The following SUSD1 variants were observed in gnomAD, a reference collection of about 807,000 sequenced individuals.
SUSD1 encodes the protein sushi domain-containing protein 1.
In SUSD1, 65 loss-of-function variants were observed where a neutral mutation model predicts 86.9. The observed-to-expected ratio is 0.75, with a 90% confidence interval of 0.61 to 0.92. SUSD1 has a LOEUF of 0.92. SUSD1 is among the 40% of genes least tolerant of loss of function. The pLI is 0.00. For synonymous variants in SUSD1, 346 were observed against 350.0 expected (o/e 0.99, Z 0.13); for missense variants, 850 against 929.7 (o/e 0.91, Z 1.11).
At chr9:112,073,992 G>A (rs562803169) in intron 12 of SUSD1, among the ~76,000 whole-genome samples, 14 of 152,116 alleles carry the variant, frequency 9.2e-5, no homozygotes, top group South Asian at 4.1e-4. Flanking sequence ...CGAAGTGGGC[G>A]GATCACTTAA....
chr9:112,078,810 T>TG lies in SUSD1; in HGVS notation c.1567-87_1567-86insC, dbSNP rs1564275179. On this transcript the variant is annotated intron_variant, in intron 11 of 16. Coordinates refer to ENST00000374270, the MANE Select transcript of SUSD1 (RefSeq NM_022486.5). ...AACCTCCCCTTTTCCTTTTTCTTTCTCTTTTTTTTTTTTTTTTTTTGAGAT... is the reference window on the plus strand; with the variant it reads ...AACCTCCCCTTTTCCTTTTTCTTTCTGCTTTTTTTTTTTTTTTTTTTGAGAT... 2.7e-5 allele frequency: 24 copies of TG among 874,496 alleles called. No homozygotes were observed. The African/African-American group carries it at 5.3e-4, about 19-fold the overall frequency. 54.2% of individuals were successfully genotyped at this position (874,496 alleles called of 1,614,324 possible).
At chr9:112,149,494 A>T in intron 2 of SUSD1, 95 bp from the exon 3 acceptor site, 1 of 1,372,306 alleles carries the variant, frequency 7.3e-7, no homozygotes, top group Non-Finnish European at 1.0e-6. Context: ...TCGGGAACCA[A>T]CGTTCTGTGA....
intron 12 of SUSD1, among the ~76,000 whole-genome samples, chr9:112,075,193 A>G (rs908068560): frequency 6.6e-6 from 1 of 152,194 alleles, no homozygotes; most frequent in African/African-American, 2.4e-5. Context: ...TTGTCTCTCC[A>G]GCCCAAAATG....
chr9:112,081,189 A>C (rs1037925775), intron 10 of SUSD1, among the ~76,000 whole-genome samples: 4 of 152,250 alleles, frequency 2.6e-5, no homozygotes, highest in Non-Finnish European at 5.9e-5. Flanking sequence ...GAAGTTTCAC[A>C]GGAACACTGT....
chr9:112,081,448 G>T (rs954962003), intron 10 of SUSD1, among the ~76,000 whole-genome samples: 3 of 152,222 alleles, frequency 2.0e-5, no homozygotes, highest in African/African-American at 7.2e-5. Context: ...TGAACAGGTG[G>T]TAAGGAACAG....
intron 1 of SUSD1, among the ~76,000 whole-genome samples, chr9:112,170,964 C>G (rs544900833): frequency 6.6e-6 from 1 of 152,120 alleles, no homozygotes; most frequent in African/African-American, 2.4e-5. Flanking sequence ...CCACCCACCT[C>G]GGCTTCCCAA....
intron 5 of SUSD1, among the ~76,000 whole-genome samples, chr9:112,129,273 C>A (rs753741121): frequency 6.6e-6 from 1 of 152,106 alleles, no homozygotes; most frequent in African/African-American, 2.4e-5. Context: ...TAGAGATATA[C>A]GAAGTATAGA....
At chr9:112,052,516 C>G in intron 14 of SUSD1, 78 bp from the exon 15 acceptor site, 1 of 1,527,272 alleles carries the variant, frequency 6.5e-7, no homozygotes. Flanking sequence ...AGGCTGAAGC[C>G]CTCTGAGTTT....
intron 1 of SUSD1, among the ~76,000 whole-genome samples, chr9:112,159,404 T>A (rs1364864309): frequency 6.6e-6 from 1 of 152,108 alleles, no homozygotes; most frequent in African/African-American, 2.4e-5. Context: ...GCGTGTTTTT[T>A]AAAAAAATAA....
intron 15 of SUSD1, among the ~76,000 whole-genome samples, chr9:112,048,283 G>C (rs1828041716): frequency 6.6e-6 from 1 of 152,166 alleles, no homozygotes; most frequent in Non-Finnish European, 1.5e-5. Context: ...GAATAACTGA[G>C]AGAAGGTAGA....
rs1168833543 is a variant in SUSD1, at chr9:112,112,885, C to T, written c.887-17G>A. The T allele has an allele frequency of 4.5e-6, 7 of 1,550,290 alleles. No homozygotes were observed. Among genetic ancestry groups the T allele is most frequent in the Non-Finnish European group, 5.3e-6 (6 of 1,122,478 alleles). ...TCAGAATTTCTAAAAGAGAAAAAGG[C>T]AGTCAACTCACAAAATGCATCAATG... is the stretch of plus-strand genomic sequence containing the variant. On this transcript the variant is annotated splice_polypyrimidine_tract_variant and intron_variant, in intron 6 of 16. Transcript: ENST00000374270.
intron 10 of SUSD1, among the ~76,000 whole-genome samples, chr9:112,097,064 C>T (rs1830425782): frequency 6.6e-6 from 1 of 152,064 alleles, no homozygotes; most frequent in African/African-American, 2.4e-5. Context: ...GTGGCTCACA[C>T]TTGTAATCCC....
At chr9:112,092,514 C>T (rs1005780249) in intron 10 of SUSD1, among the ~76,000 whole-genome samples, 3 of 152,164 alleles carry the variant, frequency 2.0e-5, no homozygotes, top group African/African-American at 7.2e-5. Flanking sequence ...AAAACTCAAA[C>T]CTAAATTTTA....
intron 15 of SUSD1, among the ~76,000 whole-genome samples, chr9:112,044,790 A>C (rs760190976): frequency 6.6e-6 from 1 of 152,256 alleles, no homozygotes; most frequent in Non-Finnish European, 1.5e-5. Context: ...ACCTTAAGAG[A>C]ATGAGAGATT....
chr9:112,136,285 G>A (rs1832260449), intron 5 of SUSD1, among the ~76,000 whole-genome samples: 1 of 152,166 alleles, frequency 6.6e-6, no homozygotes, highest in African/African-American at 2.4e-5. Context: ...CCAGGCTGGA[G>A]TGCAGTGGCA....
intron 5 of SUSD1, among the ~76,000 whole-genome samples, chr9:112,140,922 T>A (rs551598291): frequency 1.3e-5 from 2 of 152,312 alleles, no homozygotes; most frequent in Admixed American, 1.3e-4. Context: ...TGTAGGCAAC[T>A]ATAACACAAT....
intron 10 of SUSD1, among the ~76,000 whole-genome samples, chr9:112,084,134 A>G (rs1394153066): frequency 1.3e-5 from 2 of 152,164 alleles, no homozygotes; most frequent in Admixed American, 6.5e-5. Flanking sequence ...CATAGATACC[A>G]AAATGTGAAA....
intron 12 of SUSD1, 61 bp downstream of exon 12, chr9:112,078,477 A>G: frequency 1.4e-6 from 2 of 1,476,722 alleles, no homozygotes; most frequent in African/African-American, 1.4e-5. Flanking sequence ...CCTCTTTATC[A>G]GGACCTATGA....
At position 112,094,539 on chromosome 9, in the gene SUSD1, G is replaced by A. The variant is rs550397594; in HGVS notation, c.1474+3931C>T. On this transcript the variant is annotated intron_variant, in intron 10 of 16. Transcript: ENST00000374270. ...ATGCTAAAAAGAAATAGCAAAAAGT[G>A]TACACCTAGAACTCTGTTCCTAGAA... Among the ~76,000 whole-genome samples the A allele has an allele frequency of 7.2e-5, 11 of 152,282 alleles. No individual in the cohort carries two copies. In the East Asian group the frequency reaches 1.2e-3, roughly 16 times the overall value.
Sources: gnomAD v4.1 joint callset for allele counts (sites outside exome capture counted in the v4.1 genomes callset) on GRCh38, gnomAD v4.1.1 for gene constraint, MANE v1.5 for transcripts, NCBI Gene and HGNC (gene_info 2026-07-23, HGNC 2026-07-21) for gene names.